Variants in OSGIN1 observed in about 807,000 individuals in gnomAD.
The protein encoded by OSGIN1 is oxidative stress-induced growth inhibitor 1.
Under a neutral mutation model 20.1 loss-of-function variants are expected in OSGIN1, and 19 were observed. The observed-to-expected ratio is 0.95, with a 90% CI of 0.66 to 1.39. The LOEUF (loss-of-function observed/expected upper bound fraction) is 1.39, where lower values mean the gene tolerates loss of function less well. Ranked by LOEUF, OSGIN1 falls within the 40% of genes most tolerant of loss-of-function variation. The probability of loss-of-function intolerance (pLI) is 0.00; values close to 1 mark genes in which losing one functional copy is unlikely to be tolerated. For missense variants in OSGIN1, 820 were observed against 653.0 expected (o/e 1.26, Z -2.79); for synonymous variants, 368 against 297.8 (o/e 1.24, Z -2.43).
intron 3 of OSGIN1, among the ~76,000 whole-genome samples, chr16:83,960,045 C>T (rs1349179832): frequency 6.6e-6 from 1 of 152,116 alleles, no homozygotes; most frequent in Non-Finnish European, 1.5e-5. Flanking sequence ...CCTTCCCGCC[C>T]CTGAGTTGGA....
At chr16:83,958,282 TC>T (rs1909039353) in intron 2 of OSGIN1, among the ~76,000 whole-genome samples, 1 of 152,130 alleles carries the variant, frequency 6.6e-6, no homozygotes, top group Non-Finnish European at 1.5e-5. Flanking sequence ...CTTTCACACT[TC>T]CGAGAACCCA....
chr16:83,954,660 G>A (rs562949342), intron 1 of OSGIN1: 1 of 614,424 alleles, frequency 1.6e-6, no homozygotes, highest in African/African-American at 1.9e-5. Context: ...GCCCCTGGGT[G>A]GTGACCTCAT....
chr16:83,957,457 C>G (rs1318977781), intron 1 of OSGIN1, among the ~76,000 whole-genome samples, 183 bp from the exon 2 acceptor site: 2 of 152,146 alleles, frequency 1.3e-5, no homozygotes. Context: ...GTGGGGCAAA[C>G]AGCCTGTTTG....
intron 2 of OSGIN1, among the ~76,000 whole-genome samples, chr16:83,958,755 C>T (rs116290337): frequency 2.0e-5 from 3 of 152,330 alleles, no homozygotes; most frequent in African/African-American, 4.8e-5. Flanking sequence ...CACCCCTGAG[C>T]GCCCACAAGC....
intron 1 of OSGIN1, chr16:83,954,819 T>G: frequency 1.1e-5 from 9 of 844,232 alleles, no homozygotes; most frequent in Non-Finnish European, 1.3e-5. Flanking sequence ...TGATTCCTCA[T>G]TGGCCAGCAG....
Position 83,953,298 on chromosome 16 carries a change from A to C in OSGIN1, c.-105A>C. 1 of 1,288,524 alleles carries C rather than the reference A, an allele frequency of 7.8e-7. No individual in the cohort carries two copies. Among genetic ancestry groups the C allele is most frequent in the Non-Finnish European group, 1.0e-6 (1 of 988,308 alleles). The allele number at this position is 1,288,524 out of a possible 1,614,324, so 79.8% of individuals were successfully genotyped here. A position where few individuals can be genotyped will look rare whatever the true frequency, so the allele number is the denominator to read the frequency against. On this transcript the variant is annotated 5_prime_UTR_variant, in exon 1 of 6. It removes the in-frame stop codon of an upstream open reading frame in the 5' UTR. Coordinates refer to ENST00000393306, the MANE Select transcript of OSGIN1 (RefSeq NM_182981.3). ...TCCCGATCTCGCGGGGGACTCTGTG[A>C]TCCGTGTTCCCCTGACCCTCCTAGT... is the stretch of plus-strand genomic sequence containing the variant.
At chr16:83,957,789 C>A in intron 2 of OSGIN1, 51 bp downstream of exon 2, 2 of 1,050,618 alleles carry the variant, frequency 1.9e-6, no homozygotes, top group Non-Finnish European at 2.8e-6. Flanking sequence ...CTTCCGGGTA[C>A]CCCCCAGGTC....
At position 83,966,257 on chromosome 16, in the gene OSGIN1, C is replaced by G. The variant is rs1427951423; in HGVS notation, c.*250C>G. 5.7e-6 allele frequency: 3 copies of G among 527,982 alleles called. No individual in the cohort carries two copies. Among genetic ancestry groups the G allele is most frequent in the Non-Finnish European group, 9.9e-6 (3 of 302,482 alleles). 32.7% of individuals were successfully genotyped at this position (527,982 alleles called of 1,614,324 possible). On this transcript the variant is annotated 3_prime_UTR_variant, in exon 6 of 6. Transcript: ENST00000393306. Reference sequence around the variant, plus strand: ...TGGGGAAAGCTGCTGGTGTGACCAGCTGAGCACCCAGCCAGGAGACCTGCA... The same window carrying G: ...TGGGGAAAGCTGCTGGTGTGACCAGGTGAGCACCCAGCCAGGAGACCTGCA...
chr16:83,957,520 G>A, intron 1 of OSGIN1, 120 bp from the exon 2 acceptor site: 1 of 640,136 alleles, frequency 1.6e-6, no homozygotes. Flanking sequence ...ATGTCTCATG[G>A]GGACCCCGGA....
intron 3 of OSGIN1, among the ~76,000 whole-genome samples, chr16:83,959,697 G>A (rs1221637325): frequency 1.3e-5 from 2 of 152,142 alleles, no homozygotes; most frequent in Non-Finnish European, 2.9e-5. Flanking sequence ...CAGGGTGACG[G>A]TACTACCAAA....
chr16:83,965,589 A>G lies in OSGIN1; in HGVS notation c.1016A>G (p.Lys339Arg), dbSNP rs779399903. 30 of 1,612,940 alleles carry G rather than the reference A, an allele frequency of 1.9e-5. No individual in the cohort carries two copies. In the South Asian group the frequency reaches 2.5e-4, roughly 14 times the overall value. Residue 339 changes from lysine (K) to arginine (R), a missense_variant, in exon 6 of 6, where the codon AAG becomes AGG. Physicochemically the swap from Lys to Arg is conservative, Grantham distance 26. Transcript: ENST00000393306. ...LPKMLYPEYH[K>R]VHQMMREQSI... ...AAGATGCTGTACCCCGAGTACCACA[A>G]GGTGCACCAGATGATGCGGGAGCAG...
rs733728 is a variant in OSGIN1 at position 83,965,057 on chromosome 16, A to C, written c.489-5A>C. On this transcript the variant is annotated splice_region_variant and splice_polypyrimidine_tract_variant and intron_variant, in intron 5 of 5. Transcript: ENST00000393306. The stretch of plus-strand genomic sequence containing the variant: ...GACTCTGGCGTCCTGCATCCTCCCC[A>C]ACAGAGGTCTTCGCAACAGCCGGGC... The C allele has an allele frequency of 5.3e-5, 74 of 1,395,684 alleles. No individual in the cohort carries two copies. Among genetic ancestry groups the C allele is most frequent in the Admixed American group, 1.6e-4 (8 of 51,444 alleles). The allele number at this position is 1,395,684 out of a possible 1,614,324, so 86.5% of individuals were successfully genotyped here.
chr16:83,965,858 G>C lies in OSGIN1; in HGVS notation c.1285G>C (p.Val429Leu). The C allele has an allele frequency of 6.2e-7, 1 of 1,612,990 alleles. No individual in the cohort carries two copies. Residue 429 changes from valine (V) to leucine (L), a missense_variant, in exon 6 of 6, where the codon GTG becomes CTG. Coordinates refer to ENST00000393306, the MANE Select transcript of OSGIN1 (RefSeq NM_182981.3). Reference sequence around the variant, plus strand: ...GAGCGCCAAGAGGAACCCCATTGACGTGGACCCCTTCACCTACCAGAGCAC... The same window carrying C: ...GAGCGCCAAGAGGAACCCCATTGACCTGGACCCCTTCACCTACCAGAGCAC... ...PLSAKRNPID[V>L]DPFTYQSTRQ...
Position 83,959,325 on chromosome 16 carries a change from G to C in OSGIN1, c.133G>C (p.Asp45His), listed in dbSNP as rs374108349. Residue 45 changes from aspartate (D) to histidine (H), a missense_variant, in exon 3 of 6, where the codon GAT (aspartate) becomes CAT (histidine). Coordinates refer to ENST00000393306, the MANE Select transcript of OSGIN1 (RefSeq NM_182981.3). The part of the protein sequence containing the change: ...LSGYTPYTKP[D>H]AIHPHPLLQR... ...CGGCTACACACCCTACACGAAGCCA[G>C]ATGCCATCCACCCACACCCCCTGCT... 11 of 1,613,698 alleles carry C rather than the reference G, an allele frequency of 6.8e-6. No homozygotes were observed. Among genetic ancestry groups the C allele is most frequent in the Non-Finnish European group, 8.5e-6 (10 of 1,179,990 alleles).
At position 83,965,896 on chromosome 16, in the gene OSGIN1, C is replaced by G; in HGVS notation, c.1323C>G (p.Gly441=). The change falls in exon 6 of 6, where the codon GGC becomes GGG. Residue 441 remains glycine, a synonymous_variant. Coordinates refer to ENST00000393306, the MANE Select transcript of OSGIN1 (RefSeq NM_182981.3). The part of the protein sequence containing the change: ...PFTYQSTRQE[G]LYAMGPLAGD... ...CCTACCAGAGCACCCGCCAGGAGGGCCTGTACGCCATGGGGCCGCTGGCCG... is the reference window on the plus strand; with the variant it reads ...CCTACCAGAGCACCCGCCAGGAGGGGCTGTACGCCATGGGGCCGCTGGCCG... 11 of 1,612,884 alleles carry G rather than the reference C, an allele frequency of 6.8e-6. No individual in the cohort carries two copies. Among genetic ancestry groups the G allele is most frequent in the Non-Finnish European group, 8.5e-6 (10 of 1,179,990 alleles).
rs376376327 is a variant in OSGIN1 at position 83,961,061 on chromosome 16, G to A, written c.477G>A (p.Gln159=). 3 of 1,613,392 alleles carry A rather than the reference G, an allele frequency of 1.9e-6. No individual in the cohort carries two copies. The highest frequency in any genetic ancestry group is 1.7e-6 in the Non-Finnish European group (2 of 1,179,874). The change falls in exon 5 of 6, where the codon CAG becomes CAA. Residue 159 remains glutamine, a synonymous_variant. Coordinates refer to ENST00000393306, the MANE Select transcript of OSGIN1 (RefSeq NM_182981.3). The part of the protein sequence containing the change: ...LPDLEVKDWM[Q]KKRRGLRNSR... ...ACCTGGAGGTCAAGGACTGGATGCA[G>A]AAGAAGCGAAGGTGAGGCCGCCCCG... is the stretch of plus-strand genomic sequence containing the variant.
chr16:83,958,218 G>A (rs530627504), intron 2 of OSGIN1, among the ~76,000 whole-genome samples: 1 of 152,348 alleles, frequency 6.6e-6, no homozygotes, highest in Non-Finnish European at 1.5e-5. Context: ...TTAAGCCATT[G>A]AGCGTTTACT....
intron 1 of OSGIN1, among the ~76,000 whole-genome samples, chr16:83,953,607 G>A (rs975517054): frequency 1.3e-5 from 2 of 152,238 alleles, no homozygotes; most frequent in Non-Finnish European, 2.9e-5. Flanking sequence ...CCTCAGCCAA[G>A]CAGCTGAAGC....
At position 83,963,857 on chromosome 16, in the gene OSGIN1, G is replaced by A. The variant is rs572078062; in HGVS notation, c.489-1205G>A. ...ATGATGCAAAGCCTGTCATTCAACC[G>A]CCACAAGAATGGGCCTGCAGTCACT... On this transcript the variant is annotated intron_variant, in intron 5 of 5. Coordinates refer to ENST00000393306, the MANE Select transcript of OSGIN1 (RefSeq NM_182981.3). Among the ~76,000 whole-genome samples, 4 of 148,882 alleles carry A rather than the reference G, an allele frequency of 2.7e-5. 1 individual carries two copies. The South Asian group carries it at 6.2e-4, about 23-fold the overall frequency.
Sources: allele counts gnomAD v4.1 joint callset (sites outside exome capture counted in the v4.1 genomes callset), GRCh38; gene constraint gnomAD v4.1.1; transcripts MANE v1.5; gene names NCBI Gene and HGNC (gene_info 2026-07-23, HGNC 2026-07-21).